Variants in CYP4Z1 observed in about 807,000 individuals in gnomAD.
CYP4Z1 encodes cytochrome P450 family 4 subfamily Z member 1, also known as cytochrome P450 4Z1.
In CYP4Z1, 41 loss-of-function variants were observed where a neutral mutation model predicts 54.2. That is an observed-to-expected ratio of 0.76 (90% CI 0.59 to 0.98). CYP4Z1 has a LOEUF of 0.98. Among genes scored for constraint, CYP4Z1 ranks in the 50% least tolerant of loss-of-function variants. The probability of loss-of-function intolerance (pLI) is 0.00; values close to 1 mark genes in which losing one functional copy is unlikely to be tolerated. For synonymous variants in CYP4Z1, 163 were observed against 206.2 expected, an observed-to-expected ratio of 0.79 and a Z score of 1.79; for missense variants, 513 against 599.0, an observed-to-expected ratio of 0.86 and a Z score of 1.50.
At chr1:47,065,013 TGCACCTAACACTGAAAC>T (rs1644442241), upstream of CYP4Z1, among the ~76,000 whole-genome samples, 1 of 152,190 alleles carries the variant, frequency 6.6e-6, no homozygotes, top group African/African-American at 2.4e-5. Context: ...TAAATATATA[TGCACCTAACACTGAAAC>T]GCCCAAATTT....
At chr1:47,092,269 GTCTC>G (rs1644644112) in intron 6 of CYP4Z1, among the ~76,000 whole-genome samples, 1 of 151,922 alleles carries the variant, frequency 6.6e-6, no homozygotes, top group African/African-American at 2.4e-5. Flanking sequence ...TGTTGCTACC[GTCTC>G]TCTCCTTCTC....
chr1:47,068,680 C>CTGT lies in CYP4Z1; in HGVS notation c.238_240dup (p.Val80dup). The CTGT allele has an allele frequency of 6.2e-7, 1 of 1,614,144 alleles. No homozygotes were observed. Among genetic ancestry groups the CTGT allele is most frequent in the African/African-American group, 1.3e-5 (1 of 75,028 alleles). ...AAGCTGATGGAAAAATACCCATGTG[C>CTGT]TGTTCCCTTGTGGGTTGGACCCTTT... On this transcript the variant is annotated inframe_insertion, in exon 2 of 12. Transcript: ENST00000334194.
At chr1:47,109,147 A>G (rs1644776303) in intron 9 of CYP4Z1, among the ~76,000 whole-genome samples, 1 of 152,158 alleles carries the variant, frequency 6.6e-6, no homozygotes, top group African/African-American at 2.4e-5. Flanking sequence ...ATACACATAC[A>G]CTGAAATGCA....
At chr1:47,078,398 T>A (rs1383939164) in intron 2 of CYP4Z1, among the ~76,000 whole-genome samples, 1 of 151,518 alleles carries the variant, frequency 6.6e-6, no homozygotes, top group Non-Finnish European at 1.5e-5. Context: ...AACTTATATG[T>A]CTTTGTTAAT....
At chr1:47,078,677 G>T (rs1274019099) in intron 2 of CYP4Z1, among the ~76,000 whole-genome samples, 1 of 130,844 alleles carries the variant, frequency 7.6e-6, no homozygotes, top group African/African-American at 2.8e-5. Flanking sequence ...AAGAAAAAAA[G>T]GTAGGAAAGA....
At chr1:47,074,425 A>G (rs1481436250) in intron 2 of CYP4Z1, among the ~76,000 whole-genome samples, 2 of 151,804 alleles carry the variant, frequency 1.3e-5, no homozygotes, top group Non-Finnish European at 2.9e-5. Flanking sequence ...CTGTTCCTAC[A>G]TTAATTCACT....
chr1:47,114,659 A>G (rs1644816938), intron 9 of CYP4Z1, among the ~76,000 whole-genome samples: 1 of 152,268 alleles, frequency 6.6e-6, no homozygotes, highest in South Asian at 2.1e-4. Flanking sequence ...ACTTCTCAAA[A>G]GAAGACATTT....
Position 47,105,416 on chromosome 1 carries a change from T to C in CYP4Z1, c.1068-712T>C, listed in dbSNP as rs3122308. 1.4e-3 allele frequency among the ~76,000 whole-genome samples: 211 copies of C among 151,304 alleles called. 4 individuals are homozygous for C. The highest frequency in any genetic ancestry group is 4.9e-3 in the African/African-American group (200 of 40,650). On this transcript the variant is annotated intron_variant, in intron 8 of 11. Coordinates refer to ENST00000334194, the MANE Select transcript of CYP4Z1 (RefSeq NM_178134.3). ...GCAATCTCCAGCCGGCTCCTTATGT[T>C]AGTCTCAGGGCCTGCAAAGGTTAGT... is the stretch of plus-strand genomic sequence containing the variant.
chr1:47,083,524 A>AGT (rs1216015018), intron 4 of CYP4Z1, among the ~76,000 whole-genome samples: 1 of 152,220 alleles, frequency 6.6e-6, no homozygotes, highest in Non-Finnish European at 1.5e-5. Flanking sequence ...GGCCAGGTGC[A>AGT]GTGGCTCATG....
chr1:47,059,558 T>C, the CYP4Z1 span, among the ~76,000 whole-genome samples: 1 of 152,172 alleles, frequency 6.6e-6, no homozygotes, highest in East Asian at 1.9e-4. Flanking sequence ...ATTTCCTGAC[T>C]CTGCCCATGT....
intron 7 of CYP4Z1, among the ~76,000 whole-genome samples, chr1:47,098,282 C>G (rs1338851264): frequency 6.6e-6 from 1 of 152,188 alleles, no homozygotes. Flanking sequence ...TTTGTGTCAT[C>G]CCAGATTTCT....
chr1:47,086,691 A>G (rs976882641), intron 6 of CYP4Z1, among the ~76,000 whole-genome samples: 2 of 152,068 alleles, frequency 1.3e-5, no homozygotes, highest in African/African-American at 2.4e-5. Flanking sequence ...GAAGCTCTTT[A>G]GTTTAATAAG....
chr1:47,082,174 C>A (rs933796447), intron 3 of CYP4Z1, among the ~76,000 whole-genome samples, 160 bp from the exon 4 acceptor site: 1 of 151,946 alleles, frequency 6.6e-6, no homozygotes, highest in Non-Finnish European at 1.5e-5. Flanking sequence ...GGACTTAATT[C>A]CCAAAGGATT....
At chr1:47,116,221 C>A (rs1219394302) in intron 10 of CYP4Z1, among the ~76,000 whole-genome samples, 1 of 152,146 alleles carries the variant, frequency 6.6e-6, no homozygotes, top group African/African-American at 2.4e-5. Flanking sequence ...TGTGAATTGC[C>A]ACCCCTTTTT....
At chr1:47,056,023 T>G in the CYP4Z1 span, among the ~76,000 whole-genome samples, 1 of 152,224 alleles carries the variant, frequency 6.6e-6, no homozygotes, top group Non-Finnish European at 1.5e-5. Context: ...GGGTGTCAAT[T>G]TTATATCTTT....
Position 47,099,114 on chromosome 1 carries a change from C to A in CYP4Z1, c.897C>A (p.Phe299Leu). Residue 299 changes from phenylalanine (F) to leucine (L), a missense_variant, in exon 8 of 12, where the codon TTC becomes TTA. Physicochemically the swap from Phe to Leu is conservative, Grantham distance 22. Coordinates refer to ENST00000334194, the MANE Select transcript of CYP4Z1 (RefSeq NM_178134.3). ...LSAKSENTKD[F>L]SEADLQAEVK... ...TTTAGAGCGAAAACACCAAAGATTT[C>A]TCTGAAGCAGATCTCCAGGCTGAAG... 2 of 1,614,042 alleles carry A rather than the reference C, an allele frequency of 1.2e-6. No homozygotes were observed. The highest frequency in any genetic ancestry group is 1.7e-6 in the Non-Finnish European group (2 of 1,179,970).
At chr1:47,116,854 T>G in intron 11 of CYP4Z1, 122 bp downstream of exon 11, 1 of 681,350 alleles carries the variant, frequency 1.5e-6, no homozygotes, top group Non-Finnish European at 2.5e-6. Context: ...TTTACCTGGC[T>G]TGTCTTCTCT....
intron 9 of CYP4Z1, among the ~76,000 whole-genome samples, chr1:47,112,023 T>G (rs775513109): frequency 2.0e-5 from 3 of 152,110 alleles, no homozygotes; most frequent in Non-Finnish European, 2.9e-5. Flanking sequence ...AAGAATTAAA[T>G]TAAACATTGA....
chr1:47,086,437 AT>A (rs1204258023), intron 6 of CYP4Z1, among the ~76,000 whole-genome samples: 1 of 152,140 alleles, frequency 6.6e-6, no homozygotes, highest in East Asian at 1.9e-4. Context: ...CATTTCTCTG[AT>A]GGCCAGTGAT....
Sources: gnomAD v4.1 joint callset for allele counts (sites outside exome capture counted in the v4.1 genomes callset) on GRCh38, gnomAD v4.1.1 for gene constraint, MANE v1.5 for transcripts, NCBI Gene and HGNC (gene_info 2026-07-23, HGNC 2026-07-21) for gene names.